The following SCD5 variants were observed in gnomAD, a reference collection of about 807,000 sequenced individuals.
SCD5 encodes the protein stearoyl-CoA desaturase 5.
Under a neutral mutation model 30.4 loss-of-function variants are expected in SCD5, and 20 were observed. The observed-to-expected ratio is 0.66, with a 90% CI of 0.46 to 0.96. The LOEUF is 0.96. Ranked by LOEUF, SCD5 falls within the 40% of genes least tolerant of loss-of-function variation. SCD5 has a pLI of 0.00. For missense variants in SCD5, 381 were observed against 443.3 expected (o/e 0.86, Z 1.26); for synonymous variants, 173 against 176.4 (o/e 0.98, Z 0.16).
intron 3 of SCD5, among the ~76,000 whole-genome samples, chr4:82,662,999 A>T (rs74388920): frequency 0.044 from 6,765 of 152,260 alleles, 528 homozygotes; most frequent in African/African-American, 0.16. Context: ...AAAAATGCAG[A>T]CTATAAAATA....
At chr4:82,798,080 T>TGGGGCGGGGGGGGGGGGGGGGG (rs1436762424) in intron 1 of SCD5, among the ~76,000 whole-genome samples, 1 of 25,810 alleles carries the variant, frequency 3.9e-5, no homozygotes, top group Admixed American at 3.2e-4. Context: ...CGCGGCGGGG[T>TGGGGCGGGGGGGGGGGGGGGGG]GGGGGCGGGG....
At chr4:82,690,431 G>A (rs1164381955) in intron 2 of SCD5, among the ~76,000 whole-genome samples, 1 of 152,150 alleles carries the variant, frequency 6.6e-6, no homozygotes, top group Non-Finnish European at 1.5e-5. Context: ...AAATAAAAGT[G>A]AAAGCTAAAA....
Position 82,736,608 on chromosome 4 carries a change from CAA to C in SCD5, c.233-31197_233-31196del, listed in dbSNP as rs36051224. ...GGGGGACAAGAGTGAGACTTTGCCT[CAA>C]AAAAAAAAAATCATTCTTAATAGTA... is the stretch of plus-strand genomic sequence containing the variant. On this transcript the variant is annotated intron_variant, in intron 1 of 4. Coordinates refer to ENST00000319540, the MANE Select transcript of SCD5 (RefSeq NM_001037582.3). 2.1e-3 allele frequency among the ~76,000 whole-genome samples: 309 copies of C among 148,888 alleles called. 3 individuals are homozygous for C. Among genetic ancestry groups the C allele is most frequent in the African/African-American group, 6.9e-3 (278 of 40,158 alleles).
intron 1 of SCD5, among the ~76,000 whole-genome samples, chr4:82,785,833 C>A (rs1721973545): frequency 6.6e-6 from 1 of 152,078 alleles, no homozygotes. Context: ...TTCACACTTC[C>A]TAACAAATAT....
At position 82,705,366 on chromosome 4, in the gene SCD5, G is replaced by A. The variant is rs1256839837; in HGVS notation, c.280C>T (p.His94Tyr). The part of the protein sequence containing the change: ...LAALGVTAGA[H>Y]RLWSHRSYRA... Reference sequence around the variant, plus strand: ...TAGGACCTGTGGCTCCACAAGCGATGGGCACCAGCTGTCACACCCAGAGCG... The same window carrying A: ...TAGGACCTGTGGCTCCACAAGCGATAGGCACCAGCTGTCACACCCAGAGCG... Residue 94 changes from histidine (H) to tyrosine (Y), a missense_variant, in exon 2 of 5, where the codon CAT becomes TAT. By Grantham distance (83) the His-to-Tyr change is moderately conservative. Coordinates refer to ENST00000319540, the MANE Select transcript of SCD5 (RefSeq NM_001037582.3). The A allele has an allele frequency of 6.2e-7, 1 of 1,614,200 alleles. No individual in the cohort carries two copies. The highest frequency in any genetic ancestry group is 8.5e-7 in the Non-Finnish European group (1 of 1,180,028).
chr4:82,764,710 T>C (rs2148846869), intron 1 of SCD5, among the ~76,000 whole-genome samples: 1 of 150,958 alleles, frequency 6.6e-6, no homozygotes, highest in African/African-American at 2.5e-5. Flanking sequence ...ACACGATCTT[T>C]TAAATATTTT....
chr4:82,732,102 A>ATT (rs372036414), intron 1 of SCD5, among the ~76,000 whole-genome samples: 1 of 149,736 alleles, frequency 6.7e-6, no homozygotes, highest in Non-Finnish European at 1.5e-5. Context: ...TTTCTATTAC[A>ATT]TTTTTTTTTC....
intron 3 of SCD5, among the ~76,000 whole-genome samples, chr4:82,647,027 G>A (rs930428303): frequency 3.9e-5 from 6 of 152,168 alleles, no homozygotes; most frequent in Non-Finnish European, 7.3e-5. Flanking sequence ...GTTTCAACAT[G>A]TTGGCCAGGC....
At chr4:82,790,844 T>C (rs1406483139) in intron 1 of SCD5, among the ~76,000 whole-genome samples, 1 of 152,140 alleles carries the variant, frequency 6.6e-6, no homozygotes, top group African/African-American at 2.4e-5. Flanking sequence ...ACATTCCAAT[T>C]CATCAGGCCT....
chr4:82,726,554 A>T (rs1485585682), intron 1 of SCD5, among the ~76,000 whole-genome samples: 1 of 136,240 alleles, frequency 7.3e-6, no homozygotes, highest in Non-Finnish European at 1.5e-5. Context: ...TTAAGAAAGC[A>T]GCTGTTTTTT....
chr4:82,775,221 G>C (rs1721719888), intron 1 of SCD5, among the ~76,000 whole-genome samples: 1 of 152,202 alleles, frequency 6.6e-6, no homozygotes, highest in Non-Finnish European at 1.5e-5. Flanking sequence ...CTGGACCACA[G>C]TTGCTTCCCT....
intron 1 of SCD5, among the ~76,000 whole-genome samples, chr4:82,769,100 G>A (rs1037705004): frequency 6.6e-6 from 1 of 152,028 alleles, no homozygotes; most frequent in East Asian, 1.9e-4. Context: ...CTGGCTCTTC[G>A]CAGGTCCCTA....
intron 1 of SCD5, among the ~76,000 whole-genome samples, chr4:82,723,004 G>C (rs1388356321): frequency 6.7e-6 from 1 of 150,350 alleles, no homozygotes; most frequent in Non-Finnish European, 1.5e-5. Flanking sequence ...TTGAACCTGG[G>C]AGGCAGAGGT....
intron 2 of SCD5, among the ~76,000 whole-genome samples, chr4:82,688,848 T>C (rs758133979): frequency 6.6e-6 from 1 of 152,264 alleles, no homozygotes; most frequent in Non-Finnish European, 1.5e-5. Flanking sequence ...ACAACGAGAA[T>C]GTATTCAAAT....
At chr4:82,695,204 A>G (rs996994060) in intron 2 of SCD5, among the ~76,000 whole-genome samples, 1 of 152,148 alleles carries the variant, frequency 6.6e-6, no homozygotes, top group Non-Finnish European at 1.5e-5. Context: ...CCCATAGAAC[A>G]TAACAGTGAG....
At position 82,665,079 on chromosome 4, in the gene SCD5, T is replaced by G. The variant is rs1376307038; in HGVS notation, c.569+15628A>C. Among the ~76,000 whole-genome samples the G allele has an allele frequency of 4.4e-5, 4 of 91,214 alleles. No homozygotes were observed. The South Asian group carries it at 1.5e-3, about 34-fold the overall frequency. The allele number at this position is 91,214 out of a possible 152,430, so 59.8% of individuals were successfully genotyped here. Reference sequence around the variant, plus strand: ...ACACACACATATATATATATATATTTTTTTTTTAATTTAATCAGGCATGGT... The same window carrying G: ...ACACACACATATATATATATATATTGTTTTTTTAATTTAATCAGGCATGGT... On this transcript the variant is annotated intron_variant, in intron 3 of 4. Coordinates refer to ENST00000319540, the MANE Select transcript of SCD5 (RefSeq NM_001037582.3).
At chr4:82,674,633 A>G (rs1333500742) in intron 3 of SCD5, among the ~76,000 whole-genome samples, 1 of 152,212 alleles carries the variant, frequency 6.6e-6, no homozygotes, top group African/African-American at 2.4e-5. Context: ...TATTTACCCA[A>G]AGGAGTTGAA....
chr4:82,752,556 G>A (rs939927416), intron 1 of SCD5, among the ~76,000 whole-genome samples: 1 of 152,274 alleles, frequency 6.6e-6, no homozygotes, highest in African/African-American at 2.4e-5. Flanking sequence ...TGGGGCTGAG[G>A]AGATGGAATC....
intron 1 of SCD5, among the ~76,000 whole-genome samples, chr4:82,746,405 T>C (rs556289277): frequency 6.6e-6 from 1 of 152,372 alleles, no homozygotes; most frequent in Non-Finnish European, 1.5e-5. Flanking sequence ...GAGAGAATTC[T>C]CATTGTCTGA....
Sources: gnomAD v4.1 joint callset for allele counts (sites outside exome capture counted in the v4.1 genomes callset) on GRCh38, gnomAD v4.1.1 for gene constraint, MANE v1.5 for transcripts, NCBI Gene and HGNC (gene_info 2026-07-23, HGNC 2026-07-21) for gene names.